SYTL3: variants seen among roughly 807,000 people sequenced by gnomAD.
SYTL3 encodes synaptotagmin-like protein 3.
SYTL3 carries 88 observed loss-of-function variants against 82.1 expected under a neutral mutation model. The observed-to-expected ratio is 1.07, with a 90% CI of 0.90 to 1.28. The LOEUF is 1.28. SYTL3 is among the 50% of genes most tolerant of loss of function. The probability of loss-of-function intolerance (pLI) is 0.00; values close to 1 mark genes in which losing one functional copy is unlikely to be tolerated. For missense variants in SYTL3, 831 were observed against 757.6 expected, an observed-to-expected ratio of 1.10 and a Z score of -1.14; for synonymous variants, 311 against 289.4, an observed-to-expected ratio of 1.07 and a Z score of -0.76.
chr6:158,696,516 A>G (rs779332850), intron 6 of SYTL3, among the ~76,000 whole-genome samples: 26 of 151,940 alleles, frequency 1.7e-4, no homozygotes, highest in Middle Eastern at 3.4e-3. Context: ...ACTTATTTTT[A>G]TAACACTTAT....
intron 5 of SYTL3, among the ~76,000 whole-genome samples, chr6:158,665,974 G>A (rs1370710233): frequency 6.6e-6 from 1 of 152,060 alleles, no homozygotes; most frequent in African/African-American, 2.4e-5. Context: ...AGCCAAGTGT[G>A]GTGGTGCATG....
chr6:158,745,757 A>AG, intron 12 of SYTL3, 99 bp downstream of exon 12: 1 of 1,043,468 alleles, frequency 9.6e-7, no homozygotes, highest in Non-Finnish European at 1.3e-6. Context: ...TATTAAAAAA[A>AG]AAAACAAAAT....
At chr6:158,651,461 G>A (rs1009883869) in intron 1 of SYTL3, among the ~76,000 whole-genome samples, 6 of 151,964 alleles carry the variant, frequency 3.9e-5, no homozygotes, top group Non-Finnish European at 8.8e-5. Context: ...GGTGGCGGGC[G>A]CCTGTAGTCC....
chr6:158,646,979 C>G (rs1787518466), upstream of SYTL3, among the ~76,000 whole-genome samples: 1 of 152,142 alleles, frequency 6.6e-6, no homozygotes, highest in African/African-American at 2.4e-5. Flanking sequence ...ACCTGGAGTT[C>G]AGTAGCTAAG....
intron 11 of SYTL3, among the ~76,000 whole-genome samples, chr6:158,744,723 G>A (rs1787395747): frequency 6.6e-6 from 1 of 152,142 alleles, no homozygotes; most frequent in Non-Finnish European, 1.5e-5. Context: ...CCTATAAAAA[G>A]GCAGCACAGA....
At chr6:158,725,292 G>A (rs906879180) in intron 10 of SYTL3, among the ~76,000 whole-genome samples, 2 of 152,108 alleles carry the variant, frequency 1.3e-5, no homozygotes, top group Non-Finnish European at 2.9e-5. Context: ...TCTGGGCCCT[G>A]TGTGCTCGCA....
At chr6:158,745,831 A>G (rs953308426) in intron 12 of SYTL3, among the ~76,000 whole-genome samples, 173 bp downstream of exon 12, 3 of 152,210 alleles carry the variant, frequency 2.0e-5, no homozygotes, top group African/African-American at 7.2e-5. Flanking sequence ...TTATTGATAC[A>G]AGGACAGAAC....
At chr6:158,693,856 T>TTTTCTTTTC (rs1012446535) in intron 6 of SYTL3, among the ~76,000 whole-genome samples, 5 of 34,076 alleles carry the variant, frequency 1.5e-4, no homozygotes, top group African/African-American at 1.3e-3. Context: ...TTTTCTTTTC[T>TTTTCTTTTC]TTTTTTTTTT....
intron 6 of SYTL3, among the ~76,000 whole-genome samples, chr6:158,685,098 C>G (rs1056107959): frequency 6.6e-6 from 1 of 152,120 alleles, no homozygotes; most frequent in Non-Finnish European, 1.5e-5. Flanking sequence ...AGATTTGCTA[C>G]CAATCTTTGT....
chr6:158,675,810 C>T (rs537738376), intron 5 of SYTL3, among the ~76,000 whole-genome samples: 11 of 152,168 alleles, frequency 7.2e-5, no homozygotes, highest in South Asian at 2.1e-4. Context: ...ATTAGCCGGG[C>T]GCGGTGGTGG....
At chr6:158,667,825 T>C (rs1790266623) in intron 5 of SYTL3, among the ~76,000 whole-genome samples, 1 of 152,094 alleles carries the variant, frequency 6.6e-6, no homozygotes, top group Non-Finnish European at 1.5e-5. Flanking sequence ...CCTGATCTTG[T>C]GTTGAGAGGT....
In SYTL3 at chr6:158,665,653, G is replaced by A. The variant is rs1403123802; in HGVS notation, c.329+40G>A. ...TGGTTGGATCCCTCCCACTGATTCA[G>A]GTCTCGGAGGAGGCCTCTTTACAAA... On this transcript the variant is annotated intron_variant, in intron 5 of 17. Coordinates refer to ENST00000611299, the MANE Select transcript of SYTL3 (RefSeq NM_001242394.2). 2.1e-6 allele frequency: 3 copies of A among 1,462,620 alleles called. No individual in the cohort carries two copies. In the African/African-American group the frequency reaches 4.2e-5, roughly 21 times the overall value. The allele number at this position is 1,462,620 out of a possible 1,614,324, so 90.6% of individuals were successfully genotyped here.
At chr6:158,696,188 T>C (rs556122473) in intron 6 of SYTL3, among the ~76,000 whole-genome samples, 11 of 152,196 alleles carry the variant, frequency 7.2e-5, no homozygotes, top group African/African-American at 2.4e-4. Flanking sequence ...ACAACCACAC[T>C]AACACTTATT....
At chr6:158,667,455 C>T (rs1398925764) in intron 5 of SYTL3, among the ~76,000 whole-genome samples, 1 of 152,192 alleles carries the variant, frequency 6.6e-6, no homozygotes, top group African/African-American at 2.4e-5. Flanking sequence ...TTCCCCTCGC[C>T]TTGCTCCCTG....
Position 158,708,487 on chromosome 6 carries a change from C to T in SYTL3, c.516+96C>T, listed in dbSNP as rs762695183. 3 of 1,211,294 alleles carry T rather than the reference C, an allele frequency of 2.5e-6. No individual in the cohort carries two copies. The Admixed American group carries it at 5.4e-5, about 22-fold the overall frequency. 75.0% of individuals were successfully genotyped at this position (1,211,294 alleles called of 1,614,324 possible). On this transcript the variant is annotated intron_variant, in intron 8 of 17. Transcript: ENST00000611299. ...TCGAGGCTGAGGCCGGGCACGGAAC[C>T]TCCCAGCAAAGGGATCTGACTGTGC...
chr6:158,733,451 C>G (rs1785682634), intron 11 of SYTL3, among the ~76,000 whole-genome samples: 1 of 152,070 alleles, frequency 6.6e-6, no homozygotes, highest in Non-Finnish European at 1.5e-5. Flanking sequence ...CTCAGCCTCC[C>G]TAGTAACTGG....
Position 158,663,018 on chromosome 6 carries a change from G to T in SYTL3, c.-251G>T. The T allele has an allele frequency of 2.6e-6, 1 of 378,508 alleles. No homozygotes were observed. 23.4% of individuals were successfully genotyped at this position (378,508 alleles called of 1,614,324 possible). On this transcript the variant is annotated 5_prime_UTR_variant, in exon 4 of 18. Coordinates refer to ENST00000611299, the MANE Select transcript of SYTL3 (RefSeq NM_001242394.2). ...CAGAACCCGGTGAAAACACCCCCCGGGTAGCACGAGGCTCTGCGAGCCGTA... is the reference window on the plus strand; with the variant it reads ...CAGAACCCGGTGAAAACACCCCCCGTGTAGCACGAGGCTCTGCGAGCCGTA...
chr6:158,738,912 C>G (rs1398607931), intron 11 of SYTL3, among the ~76,000 whole-genome samples: 1 of 152,242 alleles, frequency 6.6e-6, no homozygotes, highest in East Asian at 1.9e-4. Flanking sequence ...CCTGCCTTGG[C>G]CTCCCAAAGT....
Position 158,763,449 on chromosome 6 carries a change from T to TGG in SYTL3, c.1665_1666dup (p.Asp556GlyfsTer8). On this transcript the variant is annotated frameshift_variant, in exon 17 of 18. Coordinates refer to ENST00000611299, the MANE Select transcript of SYTL3 (RefSeq NM_001242394.2). LOFTEE classifies it high-confidence loss of function. ...GCAGTCAAGCTTGGAGTTAACTGTC[T>TGG]GGGATCAGGCCCTCTTTGGAATGAA... The TGG allele has an allele frequency of 6.2e-7, 1 of 1,614,200 alleles. No individual in the cohort carries two copies.
Sources: allele counts gnomAD v4.1 joint callset (sites outside exome capture counted in the v4.1 genomes callset), GRCh38; gene constraint gnomAD v4.1.1; transcripts MANE v1.5; gene names NCBI Gene and HGNC (gene_info 2026-07-23, HGNC 2026-07-21).